The following YBX3 variants were observed in gnomAD, a reference collection of about 807,000 sequenced individuals.
The protein encoded by YBX3 is Y-box binding protein 3, also known as Y-box-binding protein 3.
A neutral mutation model predicts 42.4 loss-of-function variants in YBX3; 29 were observed. The ratio of observed to expected loss-of-function variants is 0.68; its 90% CI spans 0.51 to 0.93. YBX3 has a LOEUF of 0.93. Among genes scored for constraint, YBX3 ranks in the 40% least tolerant of loss-of-function variants. The probability of loss-of-function intolerance (pLI) is 0.00; values close to 1 mark genes in which losing one functional copy is unlikely to be tolerated. For synonymous variants in YBX3, 195 were observed against 189.8 expected (o/e 1.03, Z -0.22); for missense variants, 517 against 527.5 (o/e 0.98, Z 0.19).
At position 10,722,893 on chromosome 12, in the gene YBX3, T is replaced by A. The variant is rs1043689722; in HGVS notation, c.219A>T (p.Leu73Phe). 7.5e-6 allele frequency: 11 copies of A among 1,467,330 alleles called. No homozygotes were observed. The Admixed American group carries it at 2.1e-4, about 28-fold the overall frequency. The allele number at this position is 1,467,330 out of a possible 1,614,324, so 90.9% of individuals were successfully genotyped here. A position where few individuals can be genotyped will look rare whatever the true frequency, so the allele number is the denominator to read the frequency against. Residue 73 changes from leucine to phenylalanine, a missense_variant, in exon 1 of 10, where the codon TTA becomes TTT. Physicochemically the swap from Leu to Phe is conservative, Grantham distance 22. Around this residue, in one of 3 missense-constraint regions of YBX3, gnomAD observed 11 missense variants for 36.5 expected, o/e 0.30. Transcript: ENST00000228251. ...CGTCTTCGCTGCCGGCGGCGGTGGC[T>A]AAAGAGGCGGCGGCCGCGGTGCCCG... ...AATGTAAAASLATAAGSEDAE... is the reference protein window; with the variant it reads ...AATGTAAAASFATAAGSEDAE...
At position 10,699,490 on chromosome 12, in the gene YBX3, A is replaced by C. The variant is rs1743150221; in HGVS notation, c.*199T>G. ...CTCAGCTTGCTGGAAAAATTTGTTG[A>C]CATTTTCTTTTTGTAGTTGTTTCTT... On this transcript the variant is annotated 3_prime_UTR_variant, in exon 10 of 10. Transcript: ENST00000228251. 1 of 152,602 alleles carries C rather than the reference A, an allele frequency of 6.6e-6. No homozygotes were observed. The highest frequency in any genetic ancestry group is 1.5e-5 in the Non-Finnish European group (1 of 68,016). 9.5% of individuals were successfully genotyped at this position (152,602 alleles called of 1,614,324 possible). A position where few individuals can be genotyped will look rare whatever the true frequency, so the allele number is the denominator to read the frequency against.
chr12:10,715,856 C>A, intron 3 of YBX3, 73 bp from the exon 4 acceptor site: 1 of 1,270,410 alleles, frequency 7.9e-7, no homozygotes, highest in Non-Finnish European at 1.1e-6. Context: ...CTTTCAAGTA[C>A]ACCAGAGTGA....
intron 4 of YBX3, 127 bp downstream of exon 4, chr12:10,715,567 A>C (rs1460107697): frequency 1.1e-6 from 1 of 890,092 alleles, no homozygotes; most frequent in Non-Finnish European, 1.8e-6. Context: ...ATTCTGTTTA[A>C]AAGTCACTTC....
intron 2 of YBX3, 125 bp downstream of exon 2, chr12:10,718,955 T>A: frequency 1.3e-6 from 1 of 757,070 alleles, no homozygotes; most frequent in Non-Finnish European, 2.2e-6. Context: ...GAAATGAGAA[T>A]ATTTACAGTG....
At chr12:10,722,744 G>A (rs974322786) in intron 1 of YBX3, 106 bp downstream of exon 1, 4 of 1,053,324 alleles carry the variant, frequency 3.8e-6, no homozygotes, top group Non-Finnish European at 3.7e-6. Context: ...TGCTGTCAGC[G>A]TCTCCAGCCC....
intron 3 of YBX3, 153 bp from the exon 4 acceptor site, chr12:10,715,936 C>T (rs1158663831): frequency 1.6e-6 from 1 of 629,570 alleles, no homozygotes; most frequent in Non-Finnish European, 2.8e-6. Context: ...TCCAACACAA[C>T]AACAAGAAAG....
chr12:10,717,338 G>A (rs1030966390), intron 3 of YBX3, among the ~76,000 whole-genome samples: 1 of 152,132 alleles, frequency 6.6e-6, no homozygotes, highest in Non-Finnish European at 1.5e-5. Context: ...CTCTGAGAAC[G>A]CATATTTCAG....
In YBX3 at chr12:10,713,293, G is replaced by A; in HGVS notation, c.491C>T (p.Pro164Leu). The A allele has an allele frequency of 1.2e-6, 2 of 1,614,024 alleles. No homozygotes were observed. The highest frequency in any genetic ancestry group is 2.7e-5 in the African/African-American group (2 of 75,002). ...TGCAGCGTAACGACTCCCTTCCACA[G>A]GAACTCCATCCGGGCCAGTCACATT... ...AANVTGPDGV[P>L]VEGSRYAADR... The change falls in exon 5 of 10, where the codon CCT becomes CTT. Residue 164 changes from proline to leucine, a missense_variant. Around this residue, in one of 3 missense-constraint regions of YBX3, gnomAD observed 420 missense variants for 408.5 expected, o/e 1.03. Transcript: ENST00000228251.
intron 7 of YBX3, 50 bp downstream of exon 7, chr12:10,704,001 A>G: frequency 6.5e-7 from 1 of 1,544,012 alleles, no homozygotes; most frequent in Non-Finnish European, 9.0e-7. Context: ...TCATTCTACC[A>G]TTGTGCACAC....
At position 10,704,207 on chromosome 12, in the gene YBX3, C is replaced by T. The variant is rs926528441; in HGVS notation, c.781-59G>A. The T allele has an allele frequency of 5.0e-5, 71 of 1,410,794 alleles. 2 individuals carry two copies. The South Asian group carries it at 8.8e-4, about 18-fold the overall frequency. The allele number at this position is 1,410,794 out of a possible 1,614,324, so 87.4% of individuals were successfully genotyped here. On this transcript the variant is annotated intron_variant, in intron 6 of 9. Coordinates refer to ENST00000228251, the MANE Select transcript of YBX3 (RefSeq NM_003651.5). ...ACAGCACAGGGGATAAGATACAGTG[C>T]ATACAGCTATGTTCAGAATTTTTTT...
chr12:10,717,514 A>G (rs900860549), intron 3 of YBX3, among the ~76,000 whole-genome samples: 1 of 152,234 alleles, frequency 6.6e-6, no homozygotes, highest in African/African-American at 2.4e-5. Context: ...GAAGCTCCAT[A>G]TCTTACCCAT....
At chr12:10,712,034 A>T (rs1181086373) in intron 5 of YBX3, 1 of 152,236 alleles carries the variant, frequency 6.6e-6, no homozygotes, top group Non-Finnish European at 1.5e-5. Context: ...AAACAAAGAA[A>T]CAAGTGGGAA....
intron 4 of YBX3, among the ~76,000 whole-genome samples, chr12:10,714,611 A>T (rs995616718): frequency 6.6e-6 from 1 of 152,158 alleles, no homozygotes; most frequent in African/African-American, 2.4e-5. Flanking sequence ...CAAACAGAAA[A>T]CAAAATGATT....
Position 10,704,065 on chromosome 12 carries a change from G to A in YBX3, c.864C>T (p.Arg288=), listed in dbSNP as rs776629580. 7 of 1,614,104 alleles carry A rather than the reference G, an allele frequency of 4.3e-6. No individual in the cohort carries two copies. The highest frequency in any genetic ancestry group is 2.2e-5 in the South Asian group (2 of 91,074). The change falls in exon 7 of 10, where the codon CGC becomes CGT. Residue 288 remains arginine, a synonymous_variant. Transcript: ENST00000228251. The stretch of plus-strand genomic sequence containing the variant: ...ATGCGACATACCTACGGTACCTTGG[G>A]CGGTAAGTTGGATTTCGATGAACCG... The part of the protein sequence containing the change: ...QGPVHRNPTY[R]PRYRSRGPPR...
chr12:10,712,313 G>A (rs1948209227), intron 5 of YBX3: 1 of 152,172 alleles, frequency 6.6e-6, no homozygotes, highest in Non-Finnish European at 1.5e-5. Context: ...AATCTAGTAA[G>A]TTTCTCATGA....
chr12:10,719,804 G>GA (rs1474853273), intron 1 of YBX3, among the ~76,000 whole-genome samples: 4 of 152,084 alleles, frequency 2.6e-5, no homozygotes, highest in Admixed American at 1.3e-4. Flanking sequence ...ACAGTTTTGC[G>GA]AATCAAACTT....
chr12:10,716,947 A>G (rs1857291637), intron 3 of YBX3, among the ~76,000 whole-genome samples: 1 of 152,210 alleles, frequency 6.6e-6, no homozygotes, highest in Non-Finnish European at 1.5e-5. Context: ...AGGCTAATAA[A>G]GCCAGCCACC....
At chr12:10,709,264 G>T (rs1023672753) in intron 6 of YBX3, among the ~76,000 whole-genome samples, 4 of 152,124 alleles carry the variant, frequency 2.6e-5, no homozygotes, top group Admixed American at 2.6e-4. Flanking sequence ...AAGTTCCCTA[G>T]GAACTGCAAA....
chr12:10,722,656 T>A (rs1053536980), intron 1 of YBX3, among the ~76,000 whole-genome samples, 194 bp downstream of exon 1: 1 of 152,168 alleles, frequency 6.6e-6, no homozygotes, highest in Non-Finnish European at 1.5e-5. Flanking sequence ...CGCGCTCACC[T>A]GGGAGCGCCG....
Sources: gnomAD v4.1 joint callset for allele counts (sites outside exome capture counted in the v4.1 genomes callset) on GRCh38, gnomAD v4.1.1 for gene constraint, gnomAD v4.1.1 regional missense constraint, MANE v1.5 for transcripts, NCBI Gene and HGNC (gene_info 2026-07-23, HGNC 2026-07-21) for gene names.